LLGL1: variants seen among roughly 807,000 people sequenced by gnomAD.
The protein encoded by LLGL1 is lethal(2) giant larvae protein homolog 1.
A neutral mutation model predicts 110.6 loss-of-function variants in LLGL1; 58 were observed. The ratio of observed to expected loss-of-function variants is 0.52; its 90% CI spans 0.42 to 0.65. LLGL1 has a LOEUF of 0.65. LLGL1 is among the 30% of genes least tolerant of loss of function. The pLI is 0.00. For synonymous variants in LLGL1, 674 were observed against 607.2 expected, an observed-to-expected ratio of 1.11 and a Z score of -1.62; for missense variants, 1,229 against 1,462.1, an observed-to-expected ratio of 0.84 and a Z score of 2.60.
At position 18,241,539 on chromosome 17, in the gene LLGL1, C is replaced by T. The variant is rs149935184; in HGVS notation, c.2591C>T (p.Thr864Met). The T allele has an allele frequency of 6.2e-6, 10 of 1,613,836 alleles. No homozygotes were observed. Among genetic ancestry groups the T allele is most frequent in the Admixed American group, 1.7e-5 (1 of 60,018 alleles). ...CGTGTGCGCAAGGTGGCACTGGCCA[C>T]GTTTGCCAGTGTGGCCTGCGAGGAC... ...GCRVRKVALA[T>M]FASVACEDYA... The change falls in exon 18 of 23, where the codon ACG becomes ATG. Residue 864 changes from threonine (T) to methionine (M), a missense_variant. Physicochemically the swap from Thr to Met is moderately conservative, Grantham distance 81 (BLOSUM62 -1). Coordinates refer to ENST00000316843, the MANE Select transcript of LLGL1 (RefSeq NM_004140.4).
intron 13 of LLGL1, 57 bp from the exon 14 acceptor site, chr17:18,237,424 G>A (rs2047717300): frequency 6.9e-7 from 1 of 1,458,660 alleles, no homozygotes; most frequent in East Asian, 2.5e-5. Flanking sequence ...GGCTGAGTGG[G>A]GCCCAGGGCG....
chr17:18,242,852 C>T, intron 22 of LLGL1, 30 bp downstream of exon 22: 1 of 1,526,630 alleles, frequency 6.6e-7, no homozygotes, highest in Non-Finnish European at 8.8e-7. Flanking sequence ...CTGGTCCTCA[C>T]CACTGGTGAC....
At chr17:18,242,025 TG>T (rs757254318) in intron 19 of LLGL1, 26 bp downstream of exon 19, 8 of 1,590,486 alleles carry the variant, frequency 5.0e-6, no homozygotes, top group Non-Finnish European at 4.3e-6. Flanking sequence ...GCTCCTAGCC[TG>T]GGGGACCTGT....
At chr17:18,242,036 T>A in intron 19 of LLGL1, 37 bp downstream of exon 19, 2 of 1,562,840 alleles carry the variant, frequency 1.3e-6, no homozygotes, top group Non-Finnish European at 1.8e-6. Flanking sequence ...GGGGGACCTG[T>A]GCCCAGGGCC....
Position 18,237,674 on chromosome 17 carries a change from C to T in LLGL1, c.1805C>T (p.Thr602Ile). Residue 602 changes from threonine to isoleucine, a missense_variant, in exon 14 of 23, where the codon ACC becomes ATC. Transcript: ENST00000316843. The stretch of plus-strand genomic sequence containing the variant: ...CAGTGCCTGCCGCCAGCTGCTGTAA[C>T]CGCTGTCACACTCCACACCGAGTGG... Reference protein sequence around the residue: ...LVQCLPPAAVTAVTLHTEWSL... With the variant: ...LVQCLPPAAVIAVTLHTEWSL... The T allele has an allele frequency of 6.2e-7, 1 of 1,612,830 alleles. No individual in the cohort carries two copies. The highest frequency in any genetic ancestry group is 8.5e-7 in the Non-Finnish European group (1 of 1,179,992).
chr17:18,232,603 C>T, intron 3 of LLGL1, 27 bp downstream of exon 3: 1 of 1,613,982 alleles, frequency 6.2e-7, no homozygotes, highest in Non-Finnish European at 8.5e-7. Flanking sequence ...CACTAGCCAG[C>T]TCCCTGTGGC....
chr17:18,226,291 T>TG (rs759578380), intron 1 of LLGL1, among the ~76,000 whole-genome samples: 73 of 152,370 alleles, frequency 4.8e-4, no homozygotes, highest in Non-Finnish European at 7.2e-4. Context: ...TCTCGACCTC[T>TG]GTCGCTCACT....
chr17:18,238,648 G>A (rs770902294), intron 16 of LLGL1, 39 bp downstream of exon 16: 1 of 1,579,490 alleles, frequency 6.3e-7, no homozygotes, highest in Non-Finnish European at 8.6e-7. Context: ...GCAAGGGTTG[G>A]GGGGGCTGGC....
chr17:18,234,211 C>T (rs776457637), intron 6 of LLGL1, 36 bp downstream of exon 6: 3 of 1,598,878 alleles, frequency 1.9e-6, no homozygotes, highest in South Asian at 2.2e-5. Flanking sequence ...TCAGCCTGGG[C>T]CCCTTGTGCA....
intron 19 of LLGL1, 70 bp from the exon 20 acceptor site, chr17:18,242,096 A>G: frequency 6.5e-7 from 1 of 1,537,200 alleles, no homozygotes; most frequent in South Asian, 1.1e-5. Context: ...CAGGAGTGGG[A>G]GGGCAAGGAT....
At position 18,237,963 on chromosome 17, in the gene LLGL1, G is replaced by C. The variant is rs1567692917; in HGVS notation, c.1905-104G>C. The C allele has an allele frequency of 4.2e-6, 6 of 1,414,638 alleles. No individual in the cohort carries two copies. The East Asian group carries it at 1.2e-4, about 28-fold the overall frequency. 87.6% of individuals were successfully genotyped at this position (1,414,638 alleles called of 1,614,324 possible). ...GCTGGGTCCATAGGACTGCGCCAGA[G>C]GGGCTGTGACTCCCTGACCTGGGTG... is the stretch of plus-strand genomic sequence containing the variant. On this transcript the variant is annotated intron_variant, in intron 14 of 22. Transcript: ENST00000316843.
Position 18,241,968 on chromosome 17 carries a change from A to G in LLGL1, c.2851A>G (p.Ile951Val), listed in dbSNP as rs1597881140. 1 of 1,613,992 alleles carries G rather than the reference A, an allele frequency of 6.2e-7. No homozygotes were observed. The highest frequency in any genetic ancestry group is 8.5e-7 in the Non-Finnish European group (1 of 1,179,914). Residue 951 changes from isoleucine (I) to valine (V), a missense_variant, in exon 19 of 23, where the codon ATT becomes GTT. Transcript: ENST00000316843. ...NITEPLCSLD[I>V]NWPRDATQAS... ...CACAGAGCCGCTCTGCTCTCTGGAC[A>G]TTAACTGGCCCCGCGATGCCACCCA... is the stretch of plus-strand genomic sequence containing the variant.
In LLGL1 at chr17:18,242,204, A is replaced by T; in HGVS notation, c.2921A>T (p.Asn974Ile). The change falls in exon 20 of 23, where the codon AAC (asparagine) becomes ATC (isoleucine). Residue 974 changes from asparagine to isoleucine, a missense_variant. By Grantham distance (149) the Asn-to-Ile change is moderately radical. Transcript: ENST00000316843. ...GAGTCACCCAAGCTGAGCCAGGCTA[A>T]CGGGACCCCAAGCATCCTGCTGGCC... The part of the protein sequence containing the change: ...IRESPKLSQA[N>I]GTPSILLAPQ... 1.9e-6 allele frequency: 3 copies of T among 1,614,072 alleles called. No homozygotes were observed. The highest frequency in any genetic ancestry group is 2.5e-6 in the Non-Finnish European group (3 of 1,179,992).
At chr17:18,243,571 C>T (rs2047903761) in intron 22 of LLGL1, among the ~76,000 whole-genome samples, 1 of 152,334 alleles carries the variant, frequency 6.6e-6, no homozygotes. Flanking sequence ...TGTGGATCCT[C>T]ACCTAGATGT....
At chr17:18,241,352 C>A in intron 17 of LLGL1, 99 bp from the exon 18 acceptor site, 4 of 1,469,466 alleles carry the variant, frequency 2.7e-6, no homozygotes, top group Non-Finnish European at 3.6e-6. Flanking sequence ...TGCAGCTGGG[C>A]TTTGTGGTGG....
At chr17:18,230,287 C>T (rs1288304674) in intron 2 of LLGL1, among the ~76,000 whole-genome samples, 2 of 152,304 alleles carry the variant, frequency 1.3e-5, no homozygotes, top group African/African-American at 4.8e-5. Context: ...ACAGCTGTCC[C>T]TTGCTACGTG....
intron 16 of LLGL1, among the ~76,000 whole-genome samples, chr17:18,239,452 C>T (rs1179250655): frequency 2.0e-5 from 3 of 152,170 alleles, no homozygotes; most frequent in Admixed American, 1.3e-4. Context: ...ACCTCACATG[C>T]CTGCCACCAG....
In LLGL1 at chr17:18,234,388, C is replaced by A. The variant is rs541724642; in HGVS notation, c.830C>A (p.Thr277Lys). The change falls in exon 7 of 23, where the codon ACG (threonine) becomes AAG (lysine). Residue 277 changes from threonine to lysine, a missense_variant. Transcript: ENST00000316843. ...GGCAGCTTCCCAACGCTGCAGCCCACGGTAGCCACCACACCTTACGGTGAG... is the reference window on the plus strand; with the variant it reads ...GGCAGCTTCCCAACGCTGCAGCCCAAGGTAGCCACCACACCTTACGGTGAG... ...DAGSFPTLQP[T>K]VATTPYGPFP... The A allele has an allele frequency of 4.3e-6, 7 of 1,612,008 alleles. No homozygotes were observed. Among genetic ancestry groups the A allele is most frequent in the Non-Finnish European group, 5.9e-6 (7 of 1,179,800 alleles).
At chr17:18,236,532 T>A (rs1423497977) in intron 11 of LLGL1, 75 bp from the exon 12 acceptor site, 27 of 1,449,948 alleles carry the variant, frequency 1.9e-5, no homozygotes, top group Non-Finnish European at 1.9e-5. Flanking sequence ...AGTGAGTGGT[T>A]ATCAGATGAG....
Sources: allele counts gnomAD v4.1 joint callset (sites outside exome capture counted in the v4.1 genomes callset), GRCh38; gene constraint gnomAD v4.1.1; transcripts MANE v1.5; gene names NCBI Gene and HGNC (gene_info 2026-07-23, HGNC 2026-07-21).